The following KCNIP4 variants were observed in gnomAD, a reference collection of about 807,000 sequenced individuals.
KCNIP4 encodes the protein potassium voltage-gated channel interacting protein 4.
KCNIP4 carries 12 observed loss-of-function variants against 34.0 expected under a neutral mutation model. The ratio of observed to expected loss-of-function variants is 0.35; its 90% CI spans 0.23 to 0.57. The LOEUF (loss-of-function observed/expected upper bound fraction) is 0.57, where lower values mean the gene tolerates loss of function less well. KCNIP4 is among the 20% of genes least tolerant of loss of function. The pLI, the probability that KCNIP4 is intolerant of heterozygous loss-of-function variation, is 0.83. For synonymous variants in KCNIP4, 124 were observed against 102.2 expected (o/e 1.21, Z -1.29); for missense variants, 238 against 311.7 (o/e 0.76, Z 1.78).
intron 1 of KCNIP4, among the ~76,000 whole-genome samples, chr4:21,817,667 C>T (rs889212122): frequency 2.6e-5 from 4 of 152,052 alleles, no homozygotes; most frequent in African/African-American, 4.8e-5. Context: ...TAAACGGCTG[C>T]TCTGGGAATG....
At chr4:21,349,716 T>G (rs1717822220) in intron 1 of KCNIP4, among the ~76,000 whole-genome samples, 1 of 151,922 alleles carries the variant, frequency 6.6e-6, no homozygotes, top group African/African-American at 2.4e-5. Flanking sequence ...AAAGGTAGAG[T>G]GTGCAGGGGC....
chr4:20,927,503 A>C (rs1172350461), intron 1 of KCNIP4, among the ~76,000 whole-genome samples: 2 of 152,202 alleles, frequency 1.3e-5, no homozygotes, highest in South Asian at 4.1e-4. Context: ...CTACCTTAAA[A>C]TATTTTGAAG....
intron 1 of KCNIP4, among the ~76,000 whole-genome samples, chr4:20,949,964 T>C (rs1347643540): frequency 6.6e-6 from 1 of 150,976 alleles, no homozygotes; most frequent in Non-Finnish European, 1.5e-5. Flanking sequence ...CATATGTAAC[T>C]AACCTGCACA....
At chr4:21,791,788 G>A (rs1720298388) in intron 1 of KCNIP4, among the ~76,000 whole-genome samples, 1 of 151,920 alleles carries the variant, frequency 6.6e-6, no homozygotes, top group African/African-American at 2.4e-5. Flanking sequence ...GATCACCTGA[G>A]GTCAGGAGTT....
intron 1 of KCNIP4, among the ~76,000 whole-genome samples, chr4:20,949,557 A>T (rs547961087): frequency 6.6e-6 from 1 of 152,216 alleles, no homozygotes; most frequent in Non-Finnish European, 1.5e-5. Context: ...ACACATGCAC[A>T]TGTATGTTTA....
chr4:21,469,333 A>C (rs1377844724), intron 1 of KCNIP4, among the ~76,000 whole-genome samples: 1 of 152,154 alleles, frequency 6.6e-6, no homozygotes, highest in Non-Finnish European at 1.5e-5. Context: ...GGTATGAGCC[A>C]CCGCACCTGG....
In KCNIP4 at chr4:20,758,830, G is replaced by T. The variant is rs367827327; in HGVS notation, c.349C>A (p.Pro117Thr). ...TFKEIYSQFF[P>T]QGDSTTYAHF... ...CCACATTTGTACTTACCTCCCTGTG[G>T]AAAGAACTGCGAGTAAATCTCTTTG... The change falls in exon 4 of 9, where the codon CCA becomes ACA. Residue 117 changes from proline to threonine, a missense_variant. Transcript: ENST00000382152. The T allele has an allele frequency of 6.2e-7, 1 of 1,612,644 alleles. No individual in the cohort carries two copies. Among genetic ancestry groups the T allele is most frequent in the Non-Finnish European group, 8.5e-7 (1 of 1,178,908 alleles).
intron 1 of KCNIP4, among the ~76,000 whole-genome samples, chr4:21,282,092 C>T (rs1762813330): frequency 1.3e-5 from 2 of 152,144 alleles, no homozygotes; most frequent in Non-Finnish European, 2.9e-5. Flanking sequence ...TGAAAAATAT[C>T]AGGTAAGTTC....
Position 21,474,707 on chromosome 4 carries a change from T to G in KCNIP4, c.61+473864A>C, listed in dbSNP as rs926446036. ...GAGGAAACAAGCACATTAAAAATAA[T>G]TAAAATCGGCCAGGCGCGGTGGCTC... On this transcript the variant is annotated intron_variant, in intron 1 of 8. Transcript: ENST00000382152. Among the ~76,000 whole-genome samples, 65 of 151,790 alleles carry G rather than the reference T, an allele frequency of 4.3e-4. 1 individual carries two copies. Among genetic ancestry groups the G allele is most frequent in the Non-Finnish European group, 2.1e-4 (14 of 67,922 alleles).
chr4:20,748,893 T>TGC (rs1230016596), intron 5 of KCNIP4, among the ~76,000 whole-genome samples: 22 of 123,434 alleles, frequency 1.8e-4, no homozygotes, highest in Non-Finnish European at 3.3e-4. Context: ...TGTGTGTGTG[T>TGC]GTATATATAT....
chr4:21,242,344 A>C lies in KCNIP4; in HGVS notation c.62-359635T>G, dbSNP rs150755076. 3.9e-5 allele frequency among the ~76,000 whole-genome samples: 6 copies of C among 152,220 alleles called. No homozygotes were observed. The East Asian group carries it at 1.2e-3, about 29-fold the overall frequency. On this transcript the variant is annotated intron_variant, in intron 1 of 8. Coordinates refer to ENST00000382152, the MANE Select transcript of KCNIP4 (RefSeq NM_025221.6). Reference sequence around the variant, plus strand: ...AATCTTTGCTATCTGTAAACACTGCACTTAGTTAAGACCTTGAGCAAATAC... The same window carrying C: ...AATCTTTGCTATCTGTAAACACTGCCCTTAGTTAAGACCTTGAGCAAATAC...
chr4:21,023,601 G>A (rs1296867279), intron 1 of KCNIP4, among the ~76,000 whole-genome samples: 1 of 152,080 alleles, frequency 6.6e-6, no homozygotes, highest in African/African-American at 2.4e-5. Context: ...TTAGGAAAAT[G>A]AAAATCAAAC....
intron 1 of KCNIP4, among the ~76,000 whole-genome samples, chr4:21,785,822 A>G (rs1389524918): frequency 6.6e-6 from 1 of 152,124 alleles, no homozygotes; most frequent in African/African-American, 2.4e-5. Context: ...CATTGTACGG[A>G]TATGTCACAT....
At chr4:21,589,183 T>A (rs527336621) in intron 1 of KCNIP4, among the ~76,000 whole-genome samples, 1 of 73,224 alleles carries the variant, frequency 1.4e-5, no homozygotes, top group Non-Finnish European at 2.6e-5. Context: ...TATATATATA[T>A]ATATATATAT....
chr4:21,196,131 A>G (rs1012615409), intron 1 of KCNIP4, among the ~76,000 whole-genome samples: 5 of 152,338 alleles, frequency 3.3e-5, no homozygotes, highest in East Asian at 1.9e-4. Flanking sequence ...CGAATCTTCA[A>G]TTAGTGAAGC....
At chr4:21,870,650 C>A (rs1306234320) in intron 1 of KCNIP4, among the ~76,000 whole-genome samples, 2 of 152,164 alleles carry the variant, frequency 1.3e-5, no homozygotes, top group Non-Finnish European at 2.9e-5. Flanking sequence ...CTTGCTTCGC[C>A]TCTCAGAGTA....
At chr4:20,898,133 T>G (rs1158120958) in intron 1 of KCNIP4, among the ~76,000 whole-genome samples, 1 of 152,276 alleles carries the variant, frequency 6.6e-6, no homozygotes, top group South Asian at 2.1e-4. Context: ...CCCTTGGGCA[T>G]CCTGGTTCTC....
intron 1 of KCNIP4, among the ~76,000 whole-genome samples, chr4:21,245,363 T>C (rs1367383589): frequency 1.3e-5 from 2 of 152,190 alleles, no homozygotes; most frequent in Admixed American, 1.3e-4. Flanking sequence ...TTTTACTTGC[T>C]CATTTGTTCC....
At chr4:21,027,154 T>C (rs753903934) in intron 1 of KCNIP4, among the ~76,000 whole-genome samples, 4 of 152,152 alleles carry the variant, frequency 2.6e-5, no homozygotes, top group Non-Finnish European at 5.9e-5. Flanking sequence ...TAGACTAAGA[T>C]GTCGGTAATG....
Sources: allele counts gnomAD v4.1 joint callset (sites outside exome capture counted in the v4.1 genomes callset), GRCh38; gene constraint gnomAD v4.1.1; transcripts MANE v1.5; gene names NCBI Gene and HGNC (gene_info 2026-07-23, HGNC 2026-07-21).